ZFAND1: variants seen among roughly 807,000 people sequenced by gnomAD.
ZFAND1 encodes the protein zinc finger AN1-type containing 1.
Under a neutral mutation model 38.5 loss-of-function variants are expected in ZFAND1, and 40 were observed. The ratio of observed to expected loss-of-function variants is 1.04; its 90% CI spans 0.81 to 1.35. The LOEUF (loss-of-function observed/expected upper bound fraction) is 1.35, where lower values mean the gene tolerates loss of function less well. Among genes scored for constraint, ZFAND1 ranks in the 40% most tolerant of loss-of-function variants. ZFAND1 has a pLI of 0.00. For missense variants in ZFAND1, 346 were observed against 316.3 expected (o/e 1.09, Z -0.71); for synonymous variants, 117 against 103.6 (o/e 1.13, Z -0.78).
At chr8:81,708,166 C>G (rs1285777578) in intron 6 of ZFAND1, among the ~76,000 whole-genome samples, 1 of 148,466 alleles carries the variant, frequency 6.7e-6, no homozygotes, top group African/African-American at 2.5e-5. Flanking sequence ...AGGAGAATTG[C>G]TTGAACTCAG....
intron 6 of ZFAND1, among the ~76,000 whole-genome samples, chr8:81,705,676 T>C (rs1024504377): frequency 1.3e-5 from 2 of 152,236 alleles, no homozygotes; most frequent in African/African-American, 4.8e-5. Context: ...ATCCCAGCAC[T>C]TGGGGAGGCT....
chr8:81,710,118 G>C (rs1464152111), intron 6 of ZFAND1, among the ~76,000 whole-genome samples: 1 of 152,056 alleles, frequency 6.6e-6, no homozygotes, highest in Non-Finnish European at 1.5e-5. Flanking sequence ...AGCATCTCTG[G>C]CCTCTACCAA....
chr8:81,719,813 T>C (rs949981817), intron 1 of ZFAND1, among the ~76,000 whole-genome samples: 8 of 152,132 alleles, frequency 5.3e-5, no homozygotes, highest in Non-Finnish European at 8.8e-5. Context: ...GAAAGGAAAA[T>C]GAACTATGTC....
chr8:81,702,049 C>A lies in ZFAND1; in HGVS notation c.*646G>T, dbSNP rs1807827444. The A allele has an allele frequency of 6.6e-6, 1 of 152,178 alleles. No homozygotes were observed. Among genetic ancestry groups the A allele is most frequent in the South Asian group, 2.1e-4 (1 of 4,830 alleles). The allele number at this position is 152,178 out of a possible 1,614,324, so 9.4% of individuals were successfully genotyped here. ...GTCTTTATCAGAAATATGCCCCAAT[C>A]TAGTTAGGTAATAGAAAGAAAATCA... On this transcript the variant is annotated 3_prime_UTR_variant, in exon 8 of 8. Transcript: ENST00000220669.
Position 81,713,947 on chromosome 8 carries a change from G to C in ZFAND1, c.451C>G (p.His151Asp). 1 of 1,612,590 alleles carries C rather than the reference G, an allele frequency of 6.2e-7. No homozygotes were observed. The highest frequency in any genetic ancestry group is 8.5e-7 in the Non-Finnish European group (1 of 1,179,614). ...GGTAATGACTTATCGCCATCAGCAT[G>C]CATCTTTAATTTCATCAATGCAACC... The part of the protein sequence containing the change: ...AKVALMKLKM[H>D]ADGDKSLPQT... The change falls in exon 6 of 8, where the codon CAT (histidine) becomes GAT (aspartate). Residue 151 changes from histidine to aspartate, a missense_variant. Coordinates refer to ENST00000220669, the MANE Select transcript of ZFAND1 (RefSeq NM_024699.3).
intron 1 of ZFAND1, among the ~76,000 whole-genome samples, chr8:81,719,332 C>CACACACAT (rs1808404865): frequency 6.6e-6 from 1 of 150,910 alleles, no homozygotes; most frequent in Non-Finnish European, 1.5e-5. Context: ...CACACACACA[C>CACACACAT]ACACACACAC....
rs770510037 is a variant in ZFAND1, at chr8:81,710,188, C to T, written c.480+3730G>A. Among the ~76,000 whole-genome samples the T allele has an allele frequency of 9.4e-4, 143 of 152,182 alleles. 3 individuals are homozygous for T. The highest frequency in any genetic ancestry group is 2.5e-4 in the Non-Finnish European group (17 of 68,022). Reference sequence around the variant, plus strand: ...CAATTAAAAATGTCTCCAGACATTGCTGAATGTCCCCTTAGGGAGCAAAAC... The same window carrying T: ...CAATTAAAAATGTCTCCAGACATTGTTGAATGTCCCCTTAGGGAGCAAAAC... On this transcript the variant is annotated intron_variant, in intron 6 of 7. Transcript: ENST00000220669.
chr8:81,717,395 C>T (rs1402039396), intron 2 of ZFAND1, 107 bp from the exon 3 acceptor site: 1 of 727,352 alleles, frequency 1.4e-6, no homozygotes, highest in East Asian at 3.2e-5. Flanking sequence ...TATGCTCATA[C>T]TACATTAATA....
rs1451511515 is a variant in ZFAND1 at position 81,703,094 on chromosome 8, G to C, written c.511C>G (p.Pro171Ala). 1 of 1,533,792 alleles carries C rather than the reference G, an allele frequency of 6.5e-7. No individual in the cohort carries two copies. The highest frequency in any genetic ancestry group is 2.0e-5 in the Admixed American group (1 of 50,986). The part of the protein sequence containing the change: ...TERIYFQVFL[P>A]KGSKEKSKPM... Reference sequence around the variant, plus strand: ...TTGCTCTTCTCTTTGCTCCCTTTAGGTAAGAAAACCTGAAAGTAAATTCTT... The same window carrying C: ...TTGCTCTTCTCTTTGCTCCCTTTAGCTAAGAAAACCTGAAAGTAAATTCTT... The change falls in exon 7 of 8, where the codon CCT (proline) becomes GCT (alanine). Residue 171 changes from proline (P) to alanine (A), a missense_variant. Pro to Ala is a conservative substitution (Grantham distance 27). Transcript: ENST00000220669.
At chr8:81,714,709 G>T in intron 5 of ZFAND1, 95 bp downstream of exon 5, 1 of 1,021,804 alleles carries the variant, frequency 9.8e-7, no homozygotes, top group Non-Finnish European at 1.5e-6. Context: ...TACCACTGGG[G>T]TTATTAATGA....
At position 81,714,793 on chromosome 8, in the gene ZFAND1, T is replaced by C; in HGVS notation, c.358+11A>G. On this transcript the variant is annotated intron_variant, in intron 5 of 7. Coordinates refer to ENST00000220669, the MANE Select transcript of ZFAND1 (RefSeq NM_024699.3). ...TAGGAAAGCAACAAAACACGCTTTCTAGATACTTACCAATAATGTCTTTAA... is the reference window on the plus strand; with the variant it reads ...TAGGAAAGCAACAAAACACGCTTTCCAGATACTTACCAATAATGTCTTTAA... 3 of 1,612,950 alleles carry C rather than the reference T, an allele frequency of 1.9e-6. No individual in the cohort carries two copies. Among genetic ancestry groups the C allele is most frequent in the South Asian group, 1.1e-5 (1 of 90,988 alleles).
At chr8:81,710,808 C>A (rs905911806) in intron 6 of ZFAND1, among the ~76,000 whole-genome samples, 1 of 151,966 alleles carries the variant, frequency 6.6e-6, no homozygotes, top group African/African-American at 2.4e-5. Context: ...CTTGATAATA[C>A]GTAACTCTAC....
At chr8:81,713,746 A>T (rs1004650518) in intron 6 of ZFAND1, among the ~76,000 whole-genome samples, 172 bp downstream of exon 6, 1 of 152,208 alleles carries the variant, frequency 6.6e-6, no homozygotes, top group Non-Finnish European at 1.5e-5. Context: ...CATGTCTATA[A>T]AGTGAAAAAA....
intron 1 of ZFAND1, 24 bp from the exon 2 acceptor site, chr8:81,718,248 T>C (rs1354685452): frequency 6.6e-7 from 1 of 1,516,954 alleles, no homozygotes; most frequent in African/African-American, 1.4e-5. Context: ...AAAATGTATA[T>C]ACTGGTCAGT....
At chr8:81,717,108 A>T in intron 3 of ZFAND1, 141 bp downstream of exon 3, 1 of 561,876 alleles carries the variant, frequency 1.8e-6, no homozygotes, top group Non-Finnish European at 3.0e-6. Context: ...AATATAAATG[A>T]AGCAAAAGCC....
chr8:81,712,483 A>G (rs914122488), intron 6 of ZFAND1, among the ~76,000 whole-genome samples: 7 of 152,190 alleles, frequency 4.6e-5, no homozygotes, highest in Non-Finnish European at 8.8e-5. Flanking sequence ...CACAGAAAAT[A>G]GCCCAGAAAA....
rs767044052 is a variant in ZFAND1, at chr8:81,714,977, G to C, written c.266+10C>G. On this transcript the variant is annotated intron_variant, in intron 4 of 7. Coordinates refer to ENST00000220669, the MANE Select transcript of ZFAND1 (RefSeq NM_024699.3). The stretch of plus-strand genomic sequence containing the variant: ...TATACAAAGTGTGAACAGCCTAAGT[G>C]ATCAATCACCTCAGGCAAAAATTCT... The C allele has an allele frequency of 3.7e-6, 6 of 1,613,852 alleles. No individual in the cohort carries two copies. In the African/African-American group the frequency reaches 8.0e-5, roughly 22 times the overall value.
rs1167605143 is a variant in ZFAND1, at chr8:81,702,700, C to G, written c.802G>C (p.Glu268Gln). 2 of 1,521,858 alleles carry G rather than the reference C, an allele frequency of 1.3e-6. No individual in the cohort carries two copies. Among genetic ancestry groups the G allele is most frequent in the African/African-American group, 2.8e-5 (2 of 71,076 alleles). 94.3% of individuals were successfully genotyped at this position (1,521,858 alleles called of 1,614,324 possible). ...QFCKNVESYL[E>Q] is the part of the protein sequence containing the mutation. ...TGACTTGAATCTTTGAATGACTATT[C>G]CAAGTAAGATTCAACATTTTTACAG... Residue 268 changes from glutamate to glutamine, a missense_variant, in exon 8 of 8, where the codon GAA becomes CAA. Transcript: ENST00000220669.
At chr8:81,713,617 A>G (rs1808208749) in intron 6 of ZFAND1, among the ~76,000 whole-genome samples, 1 of 152,172 alleles carries the variant, frequency 6.6e-6, no homozygotes, top group Admixed American at 6.5e-5. Context: ...TTATAATAGC[A>G]AAAAATTGAA....
Sources: gnomAD v4.1 joint callset for allele counts (sites outside exome capture counted in the v4.1 genomes callset) on GRCh38, gnomAD v4.1.1 for gene constraint, MANE v1.5 for transcripts, NCBI Gene and HGNC (gene_info 2026-07-23, HGNC 2026-07-21) for gene names.